BLTP1: variants seen among roughly 807,000 people sequenced by gnomAD.
The protein encoded by BLTP1 is bridge-like lipid transfer protein family member 1.
At chr4:122,263,195 G>A in the BLTP1 span, 3 of 984,966 alleles carry the variant, frequency 3.0e-6, no homozygotes, top group East Asian at 1.1e-4. Context: ...CAGCTCTGAC[G>A]AATGTCAATG....
the BLTP1 span, among the ~76,000 whole-genome samples, chr4:122,314,404 A>C: frequency 6.6e-6 from 1 of 152,168 alleles, no homozygotes; most frequent in Non-Finnish European, 1.5e-5. Context: ...CTATCAAAGG[A>C]ACACTTTCAA....
chr4:122,257,102 G>C, the BLTP1 span: 2 of 271,328 alleles, frequency 7.4e-6, no homozygotes, highest in African/African-American at 4.6e-5. Flanking sequence ...TGACTCTCTT[G>C]GGTAACTTTG....
At chr4:122,158,284 CATTCGTGGTAGTTTCT>C in the BLTP1 span, among the ~76,000 whole-genome samples, 1 of 152,144 alleles carries the variant, frequency 6.6e-6, no homozygotes, top group Admixed American at 6.5e-5. Flanking sequence ...CTAACCCTTT[CATTCGTGGTAGTTTCT>C]ATTTATCTCT....
the BLTP1 span, among the ~76,000 whole-genome samples, chr4:122,259,562 T>G: frequency 1.3e-5 from 2 of 152,200 alleles, no homozygotes; most frequent in Admixed American, 6.5e-5. Context: ...ACTGAAAAAG[T>G]TAAAATTTTA....
the BLTP1 span, chr4:122,178,084 A>G: frequency 4.0e-5 from 35 of 880,416 alleles, no homozygotes; most frequent in Non-Finnish European, 4.2e-5. Context: ...TCTAAGTAAA[A>G]CAAAACATTG....
the BLTP1 span, chr4:122,197,129 G>T: frequency 1.3e-6 from 1 of 796,358 alleles, no homozygotes; most frequent in Non-Finnish European, 1.9e-6. Context: ...AATAATAACT[G>T]AAAAGTAAAG....
chr4:122,314,332 T>C, the BLTP1 span, among the ~76,000 whole-genome samples: 1 of 151,990 alleles, frequency 6.6e-6, no homozygotes, highest in Non-Finnish European at 1.5e-5. Flanking sequence ...AGGAGTTTGA[T>C]TTGGTGGGTA....
At chr4:122,219,858 A>T in the BLTP1 span, among the ~76,000 whole-genome samples, 1 of 152,102 alleles carries the variant, frequency 6.6e-6, no homozygotes, top group African/African-American at 2.4e-5. Context: ...AATTAACCTG[A>T]TGGGTGTTCA....
At chr4:122,313,585 T>A in the BLTP1 span, 200 of 1,519,604 alleles carry the variant, frequency 1.3e-4, no homozygotes, top group Non-Finnish European at 1.7e-4. Context: ...TAGTCACAAA[T>A]GTATTTTTAT....
the BLTP1 span, chr4:122,187,595 G>A: frequency 7.2e-7 from 1 of 1,380,280 alleles, no homozygotes; most frequent in Non-Finnish European, 9.9e-7. Context: ...TTTAATGTAA[G>A]AAAATTAAAT....
chr4:122,303,266 A>T, the BLTP1 span, among the ~76,000 whole-genome samples: 4 of 152,200 alleles, frequency 2.6e-5, no homozygotes, highest in Admixed American at 6.5e-5. Flanking sequence ...ATGACAGCAC[A>T]TCTTTTTACA....
chr4:122,289,827 A>G, the BLTP1 span: 1 of 975,266 alleles, frequency 1.0e-6, no homozygotes, highest in Non-Finnish European at 1.2e-6. Context: ...TCATTTAACA[A>G]ATTTATGAAG....
the BLTP1 span, chr4:122,310,884 A>G: frequency 1.1e-6 from 1 of 877,450 alleles, no homozygotes; most frequent in Non-Finnish European, 1.4e-6. Context: ...AAGACTTGAT[A>G]TGGAAATACT....
chr4:122,227,001 A>T, the BLTP1 span: 21 of 585,654 alleles, frequency 3.6e-5, no homozygotes, highest in South Asian at 5.9e-4. Flanking sequence ...AGTTTTAAGT[A>T]TCTAAAATAT....
At chr4:122,174,375 T>C in the BLTP1 span, 1 of 975,094 alleles carries the variant, frequency 1.0e-6, no homozygotes, top group East Asian at 1.1e-4. Context: ...GCTTACTTCA[T>C]AGTGATCATA....
chr4:122,200,833 G>C, the BLTP1 span: 2 of 780,544 alleles, frequency 2.6e-6, no homozygotes, highest in Non-Finnish European at 3.1e-6. Flanking sequence ...GCTAGATGTA[G>C]CCATGGATAT....
At chr4:122,154,454 CAT>C in the BLTP1 span, 2 of 985,098 alleles carry the variant, frequency 2.0e-6, no homozygotes, top group Non-Finnish European at 2.4e-6. Flanking sequence ...CAAATTAAGT[CAT>C]GTGCTTAGCC....
At chr4:122,193,334 G>A in the BLTP1 span, among the ~76,000 whole-genome samples, 40 of 152,166 alleles carry the variant, frequency 2.6e-4, no homozygotes, top group African/African-American at 8.9e-4. Context: ...AGGCTGTTTG[G>A]TTGAGGTAAC....
At chr4:122,201,990 TA>T in the BLTP1 span, 1 of 489,384 alleles carries the variant, frequency 2.0e-6, no homozygotes, top group Non-Finnish European at 2.7e-6. Context: ...TTTCACTGTT[TA>T]AGCTTCAGTT....
Sources: allele counts gnomAD v4.1 joint callset (sites outside exome capture counted in the v4.1 genomes callset), GRCh38; gene constraint gnomAD v4.1.1; transcripts MANE v1.5; gene names NCBI Gene and HGNC (gene_info 2026-07-23, HGNC 2026-07-21).